Variants in MYL11 observed in about 807,000 individuals in gnomAD.
MYL11 encodes myosin regulatory light chain 11.
chr16:30,375,972 C>T, the MYL11 span: 3 of 1,567,024 alleles, frequency 1.9e-6, no homozygotes, highest in East Asian at 2.3e-5. Context: ...TGGCCCTCTC[C>T]CTGGAATGTG....
chr16:30,377,542 G>C, the MYL11 span: 1 of 1,171,928 alleles, frequency 8.5e-7, no homozygotes, highest in African/African-American at 1.5e-5. Context: ...GAAGGAAGTA[G>C]AGTGACCTGG....
chr16:30,372,895 GC>G, the MYL11 span: 2 of 152,436 alleles, frequency 1.3e-5, no homozygotes, highest in Admixed American at 6.6e-5. Flanking sequence ...CTCAGGCCAT[GC>G]CCTCCGCCCA....
chr16:30,376,124 C>T, the MYL11 span: 6 of 1,611,450 alleles, frequency 3.7e-6, no homozygotes, highest in Admixed American at 5.0e-5. Context: ...ACCTAACCCT[C>T]CCCACCACGG....
the MYL11 span, chr16:30,376,420 C>T: frequency 2.5e-6 from 4 of 1,611,788 alleles, no homozygotes; most frequent in South Asian, 4.4e-5. Context: ...CAACCCCCTC[C>T]AGGCCGCCTC....
chr16:30,375,172 A>G, the MYL11 span, among the ~76,000 whole-genome samples: 1 of 152,226 alleles, frequency 6.6e-6, no homozygotes, highest in East Asian at 1.9e-4. Flanking sequence ...CAAATGAGAA[A>G]GTAGAGGCTC....
At chr16:30,377,263 G>A in the MYL11 span, among the ~76,000 whole-genome samples, 3 of 151,832 alleles carry the variant, frequency 2.0e-5, no homozygotes, top group Admixed American at 2.0e-4. Flanking sequence ...AACACCTATA[G>A]TCCCAGCTAC....
At chr16:30,376,588 C>T in the MYL11 span, 1 of 1,613,708 alleles carries the variant, frequency 6.2e-7, no homozygotes, top group South Asian at 1.1e-5. Context: ...TTCAGGGACC[C>T]ATCAGCTTCA....
the MYL11 span, among the ~76,000 whole-genome samples, chr16:30,375,143 T>A: frequency 1.3e-5 from 2 of 152,118 alleles, no homozygotes; most frequent in Non-Finnish European, 2.9e-5. Context: ...AGCCAGGCAA[T>A]AACTCCCATC....
chr16:30,373,553 G>A, the MYL11 span, among the ~76,000 whole-genome samples: 2 of 148,810 alleles, frequency 1.3e-5, no homozygotes, highest in Non-Finnish European at 1.5e-5. Context: ...CCAAGATCAC[G>A]CCACTGCACT....
At chr16:30,375,796 C>G in the MYL11 span, 1 of 1,607,332 alleles carries the variant, frequency 6.2e-7, no homozygotes, top group South Asian at 1.1e-5. Flanking sequence ...CCATGGGCCC[C>G]TTTGTTCAAC....
At chr16:30,377,910 C>A in the MYL11 span, 2 of 1,598,066 alleles carry the variant, frequency 1.3e-6, no homozygotes, top group South Asian at 2.2e-5. Flanking sequence ...GGGGCACCCG[C>A]GGGCCTCCGC....
chr16:30,372,474 G>A, the MYL11 span: 1 of 152,126 alleles, frequency 6.6e-6, no homozygotes, highest in Non-Finnish European at 1.5e-5. Context: ...TGCCAACTTG[G>A]GGCTTCCTCA....
the MYL11 span, among the ~76,000 whole-genome samples, chr16:30,372,658 C>CT: frequency 6.6e-6 from 1 of 150,856 alleles, no homozygotes; most frequent in African/African-American, 2.4e-5. Context: ...GCTGGCTGTC[C>CT]TTTTAGGGTC....
the MYL11 span, chr16:30,377,818 T>C: frequency 6.2e-7 from 1 of 1,613,362 alleles, no homozygotes; most frequent in Non-Finnish European, 8.5e-7. Context: ...TGGGCGGCCT[T>C]CCCCCCCGAC....
chr16:30,377,926 G>A, the MYL11 span: 2 of 1,587,032 alleles, frequency 1.3e-6, no homozygotes, highest in Admixed American at 1.7e-5. Context: ...TCCGCTGCCC[G>A]ACGCTTCTGT....
the MYL11 span, among the ~76,000 whole-genome samples, chr16:30,373,457 G>A: frequency 2.0e-5 from 3 of 152,182 alleles, no homozygotes; most frequent in Non-Finnish European, 4.4e-5. Context: ...TTAGGCGGGC[G>A]TGGTGACACG....
the MYL11 span, chr16:30,374,742 T>G: frequency 2.2e-6 from 3 of 1,369,136 alleles, no homozygotes; most frequent in Non-Finnish European, 3.0e-6. Context: ...AAGGTTACCT[T>G]GGTATGTTAA....
chr16:30,375,204 G>A, the MYL11 span, among the ~76,000 whole-genome samples: 1 of 152,084 alleles, frequency 6.6e-6, no homozygotes, highest in Admixed American at 6.5e-5. Context: ...TGTGGTTCAC[G>A]CCTGTAATCC....
the MYL11 span, among the ~76,000 whole-genome samples, chr16:30,374,465 T>C: frequency 3.3e-5 from 5 of 152,186 alleles, no homozygotes; most frequent in Non-Finnish European, 7.3e-5. Context: ...GGTTTAAATC[T>C]GAGCCCACCC....
Sources: gnomAD v4.1 joint callset for allele counts (sites outside exome capture counted in the v4.1 genomes callset) on GRCh38, gnomAD v4.1.1 for gene constraint, MANE v1.5 for transcripts, NCBI Gene and HGNC (gene_info 2026-07-23, HGNC 2026-07-21) for gene names.